Variants in GALNT17 observed in about 807,000 individuals in gnomAD.
The protein encoded by GALNT17 is UDP-GalNAc:polypeptide N-acetylgalactosaminyltransferase-like 3.
In GALNT17, 29 loss-of-function variants were observed where a neutral mutation model predicts 63.7. The observed-to-expected ratio is 0.46, with a 90% confidence interval of 0.34 to 0.62. GALNT17 has a LOEUF of 0.62. Ranked by LOEUF, GALNT17 falls within the 20% of genes least tolerant of loss-of-function variation. The pLI is 0.01. For synonymous variants in GALNT17, 305 were observed against 318.3 expected (o/e 0.96, Z 0.45); for missense variants, 603 against 799.6 (o/e 0.75, Z 2.97).
intron 1 of GALNT17, among the ~76,000 whole-genome samples, chr7:71,167,235 C>T (rs555834256): frequency 6.6e-6 from 1 of 152,090 alleles, no homozygotes; most frequent in East Asian, 1.9e-4. Flanking sequence ...TTCCCACCAG[C>T]CATATAGGCA....
chr7:71,395,905 A>G (rs1047041802), intron 3 of GALNT17, among the ~76,000 whole-genome samples: 3 of 152,200 alleles, frequency 2.0e-5, no homozygotes, highest in Admixed American at 1.3e-4. Flanking sequence ...TTGGAGAAAC[A>G]TCTATTCAAG....
intron 3 of GALNT17, among the ~76,000 whole-genome samples, chr7:71,408,920 G>A (rs1386375219): frequency 1.3e-5 from 2 of 150,502 alleles, no homozygotes; most frequent in Non-Finnish European, 2.9e-5. Context: ...ATGTATGTAT[G>A]TATGTATTTA....
intron 6 of GALNT17, among the ~76,000 whole-genome samples, chr7:71,596,014 A>G (rs1291924044): frequency 1.3e-5 from 2 of 151,806 alleles, no homozygotes; most frequent in Non-Finnish European, 1.5e-5. Context: ...TGAAAATGGG[A>G]TTGATTTCTT....
chr7:71,692,693 A>C (rs1791472709), intron 9 of GALNT17, among the ~76,000 whole-genome samples: 1 of 151,600 alleles, frequency 6.6e-6, no homozygotes, highest in Admixed American at 6.6e-5. Flanking sequence ...ATACATACAC[A>C]ATGTATGTAT....
intron 5 of GALNT17, among the ~76,000 whole-genome samples, chr7:71,500,927 A>G (rs991631823): frequency 6.6e-6 from 1 of 152,002 alleles, no homozygotes; most frequent in Non-Finnish European, 1.5e-5. Context: ...CATCATTTCA[A>G]TCATTCCTGT....
At chr7:71,664,766 G>A (rs1308513578) in intron 6 of GALNT17, among the ~76,000 whole-genome samples, 3 of 152,206 alleles carry the variant, frequency 2.0e-5, no homozygotes, top group African/African-American at 7.2e-5. Flanking sequence ...AGGGATGTCA[G>A]TTGTGCATTA....
At chr7:71,310,412 T>G (rs1013996859) in intron 1 of GALNT17, among the ~76,000 whole-genome samples, 1 of 152,204 alleles carries the variant, frequency 6.6e-6, no homozygotes, top group Admixed American at 6.5e-5. Flanking sequence ...TGCATCTGTT[T>G]GCAAATAGAA....
At chr7:71,494,802 C>T (rs1034491077) in intron 5 of GALNT17, among the ~76,000 whole-genome samples, 3 of 152,178 alleles carry the variant, frequency 2.0e-5, no homozygotes, top group Admixed American at 6.5e-5. Flanking sequence ...CTCACAATCA[C>T]GGCTGAAGGC....
intron 1 of GALNT17, among the ~76,000 whole-genome samples, chr7:71,303,248 G>T (rs934448886): frequency 2.0e-5 from 3 of 151,876 alleles, no homozygotes; most frequent in Admixed American, 2.0e-4. Flanking sequence ...CCTTGACCTG[G>T]GCTCAAGAGA....
chr7:71,435,634 G>C (rs1417944786), intron 5 of GALNT17, among the ~76,000 whole-genome samples: 1 of 152,054 alleles, frequency 6.6e-6, no homozygotes, highest in Non-Finnish European at 1.5e-5. Context: ...CAGCGCAAGA[G>C]GACGGCATCA....
At chr7:71,423,885 G>A (rs1786711219) in intron 5 of GALNT17, among the ~76,000 whole-genome samples, 1 of 152,082 alleles carries the variant, frequency 6.6e-6, no homozygotes, top group African/African-American at 2.4e-5. Flanking sequence ...TCACTCCTCT[G>A]CACTCCAGCC....
intron 1 of GALNT17, among the ~76,000 whole-genome samples, chr7:71,219,771 C>T (rs1358801385): frequency 6.6e-6 from 1 of 152,124 alleles, no homozygotes; most frequent in African/African-American, 2.4e-5. Context: ...TTATGTCTGT[C>T]CTCATATTTT....
At chr7:71,368,047 G>T (rs1249255715) in intron 2 of GALNT17, among the ~76,000 whole-genome samples, 1 of 152,130 alleles carries the variant, frequency 6.6e-6, no homozygotes, top group Non-Finnish European at 1.5e-5. Context: ...CCAAAAGGCA[G>T]TGGCAGAATC....
intron 1 of GALNT17, among the ~76,000 whole-genome samples, chr7:71,274,968 A>T (rs1043727336): frequency 3.9e-5 from 6 of 152,326 alleles, no homozygotes; most frequent in African/African-American, 1.4e-4. Flanking sequence ...AGGGGAGCAG[A>T]CCACAGTCCC....
Position 71,677,100 on chromosome 7 carries a change from G to A in GALNT17, c.1405-111G>A, listed in dbSNP as rs73354137. ...AGCCCTGGTCCTCACTTAGAGGCTC[G>A]TGTTGTCTTCCCATCATGAAGTTGG... On this transcript the variant is annotated intron_variant, in intron 8 of 10. Coordinates refer to ENST00000333538, the MANE Select transcript of GALNT17 (RefSeq NM_022479.3). 240 of 1,038,930 alleles carry A rather than the reference G, an allele frequency of 2.3e-4. 1 individual carries two copies. The African/African-American group carries it at 2.8e-3, about 12-fold the overall frequency. 64.4% of individuals were successfully genotyped at this position (1,038,930 alleles called of 1,614,324 possible).
chr7:71,399,422 T>C (rs1326987981), intron 3 of GALNT17, among the ~76,000 whole-genome samples: 1 of 152,218 alleles, frequency 6.6e-6, no homozygotes, highest in Non-Finnish European at 1.5e-5. Context: ...TTCTCAGTTT[T>C]GGGCATTGTT....
intron 1 of GALNT17, among the ~76,000 whole-genome samples, chr7:71,247,677 G>A (rs1364470255): frequency 2.0e-5 from 3 of 152,084 alleles, no homozygotes; most frequent in African/African-American, 4.8e-5. Context: ...GGTTGGTCTC[G>A]AACTCCTGAC....
At chr7:71,157,933 C>T (rs1204314800) in intron 1 of GALNT17, among the ~76,000 whole-genome samples, 5 of 151,480 alleles carry the variant, frequency 3.3e-5, no homozygotes, top group African/African-American at 9.8e-5. Context: ...CAGTTCCATC[C>T]GTGTTGCTGC....
chr7:71,448,419 T>A (rs973432672), intron 5 of GALNT17, among the ~76,000 whole-genome samples: 5 of 152,210 alleles, frequency 3.3e-5, no homozygotes, highest in Admixed American at 6.6e-5. Flanking sequence ...TGTTTGGGTG[T>A]TGAACCATCC....
Sources: allele counts gnomAD v4.1 joint callset (sites outside exome capture counted in the v4.1 genomes callset), GRCh38; gene constraint gnomAD v4.1.1; transcripts MANE v1.5; gene names NCBI Gene and HGNC (gene_info 2026-07-23, HGNC 2026-07-21).